HMGCLL1: variants seen among roughly 807,000 people sequenced by gnomAD.
The protein encoded by HMGCLL1 is 3-hydroxymethyl-3-methylglutaryl-CoA lyase, cytoplasmic.
Under a neutral mutation model 39.1 loss-of-function variants are expected in HMGCLL1, and 36 were observed. The observed-to-expected ratio is 0.92, with a 90% CI of 0.71 to 1.22. HMGCLL1 has a LOEUF of 1.22. Ranked by LOEUF, HMGCLL1 falls within the 50% of genes most tolerant of loss-of-function variation. The probability of loss-of-function intolerance (pLI) is 0.00; values close to 1 mark genes in which losing one functional copy is unlikely to be tolerated. For synonymous variants in HMGCLL1, 149 were observed against 144.0 expected, an observed-to-expected ratio of 1.03 and a Z score of -0.25; for missense variants, 451 against 416.5, an observed-to-expected ratio of 1.08 and a Z score of -0.72.
chr6:55,650,104 T>TACACACAC, the HMGCLL1 span, among the ~76,000 whole-genome samples: 1 of 68,740 alleles, frequency 1.5e-5, no homozygotes, highest in African/African-American at 6.0e-5. Context: ...TATATATATA[T>TACACACAC]ATATATATAT....
Position 55,546,787 on chromosome 6 carries a change from A to G in HMGCLL1, c.109-4647T>C, listed in dbSNP as rs866646146. ...TAAAAATTTATTTTTATAGCATTTA[A>G]TGTCCTACATTACAGAGCTCAGTAT... is the stretch of plus-strand genomic sequence containing the variant. On this transcript the variant is annotated intron_variant, in intron 1 of 8. Coordinates refer to ENST00000274901, the MANE Select transcript of HMGCLL1 (RefSeq NM_001042406.2). Among the ~76,000 whole-genome samples the G allele has an allele frequency of 4.6e-5, 7 of 152,242 alleles. No individual in the cohort carries two copies. In the South Asian group the frequency reaches 8.3e-4, roughly 18 times the overall value.
chr6:55,647,566 T>G, the HMGCLL1 span, among the ~76,000 whole-genome samples: 1 of 151,846 alleles, frequency 6.6e-6, no homozygotes, highest in Non-Finnish European at 1.5e-5. Flanking sequence ...TGTATGTTTT[T>G]TTTATTTGAG....
the HMGCLL1 span, among the ~76,000 whole-genome samples, chr6:55,628,995 T>C: frequency 2.0e-5 from 3 of 152,168 alleles, no homozygotes; most frequent in Non-Finnish European, 2.9e-5. Context: ...AACAGACTAA[T>C]ACAGTAAATT....
the HMGCLL1 span, among the ~76,000 whole-genome samples, chr6:55,670,995 A>G: frequency 6.6e-6 from 1 of 151,838 alleles, no homozygotes; most frequent in African/African-American, 2.4e-5. Flanking sequence ...TATTAATACC[A>G]GGCAATATAG....
the HMGCLL1 span, among the ~76,000 whole-genome samples, chr6:55,624,545 C>T: frequency 6.6e-6 from 1 of 152,296 alleles, no homozygotes. Context: ...TTCAGAGGGA[C>T]CTTGATCCCT....
At chr6:55,669,021 C>G in the HMGCLL1 span, among the ~76,000 whole-genome samples, 1 of 150,120 alleles carries the variant, frequency 6.7e-6, no homozygotes, top group Non-Finnish European at 1.5e-5. Flanking sequence ...AGACTTCGCA[C>G]AGTAATAGAA....
the HMGCLL1 span, among the ~76,000 whole-genome samples, chr6:55,675,176 G>T: frequency 6.6e-6 from 1 of 152,090 alleles, no homozygotes; most frequent in South Asian, 2.1e-4. Flanking sequence ...ATCACTGGAA[G>T]TTGCACAGGA....
At chr6:55,512,196 A>C (rs1230067701) in intron 5 of HMGCLL1, 2 of 152,116 alleles carry the variant, frequency 1.3e-5, no homozygotes, top group Non-Finnish European at 2.9e-5. Flanking sequence ...TTCAACACTA[A>C]AAAAACCCTT....
rs530477239 is a variant in HMGCLL1, at chr6:55,545,054, G to A, written c.109-2914C>T. Among the ~76,000 whole-genome samples, 14 of 152,150 alleles carry A rather than the reference G, an allele frequency of 9.2e-5. No individual in the cohort carries two copies. In the East Asian group the frequency reaches 2.7e-3, roughly 29 times the overall value. On this transcript the variant is annotated intron_variant, in intron 1 of 8. Transcript: ENST00000274901. ...TCACTCTTCTTTCTTATTACCTCTA[G>A]TCTTCAGTTGGCAGGAATGAAACAA...
chr6:55,486,200 C>G (rs558038083), intron 7 of HMGCLL1, among the ~76,000 whole-genome samples: 1 of 150,894 alleles, frequency 6.6e-6, no homozygotes, highest in South Asian at 2.1e-4. Context: ...GGTAGAATTA[C>G]AAGTAAGTAT....
rs551415572 is a variant in HMGCLL1 at position 55,579,123 on chromosome 6, C to G, written c.-68G>C. On this transcript the variant is annotated 5_prime_UTR_variant, in exon 1 of 9. Coordinates refer to ENST00000274901, the MANE Select transcript of HMGCLL1 (RefSeq NM_001042406.2). ...AGGAGGATGAGGGGCGGGCACCGCG[C>G]TGGGAAACTGCGCCAGCTCGGGAGC... The G allele has an allele frequency of 3.3e-6, 4 of 1,222,314 alleles. No homozygotes were observed. The African/African-American group carries it at 4.5e-5, about 14-fold the overall frequency. 75.7% of individuals were successfully genotyped at this position (1,222,314 alleles called of 1,614,324 possible). A position where few individuals can be genotyped will look rare whatever the true frequency, so the allele number is the denominator to read the frequency against.
chr6:55,453,075 G>A (rs1194206861), intron 7 of HMGCLL1, among the ~76,000 whole-genome samples: 2 of 152,218 alleles, frequency 1.3e-5, no homozygotes, highest in East Asian at 3.9e-4. Flanking sequence ...AGAGGATGTG[G>A]GAAGAGGTAT....
the HMGCLL1 span, among the ~76,000 whole-genome samples, chr6:55,614,553 A>G: frequency 6.6e-6 from 1 of 152,170 alleles, no homozygotes; most frequent in Non-Finnish European, 1.5e-5. Flanking sequence ...CATAGTATGA[A>G]TTAATTCTAA....
chr6:55,607,415 C>T, the HMGCLL1 span, among the ~76,000 whole-genome samples: 1 of 152,104 alleles, frequency 6.6e-6, no homozygotes, highest in Non-Finnish European at 1.5e-5. Context: ...CTATAATGTG[C>T]CTCCAGATTC....
the HMGCLL1 span, among the ~76,000 whole-genome samples, chr6:55,656,353 A>T: frequency 4.6e-5 from 7 of 152,126 alleles, no homozygotes; most frequent in African/African-American, 1.7e-4. Context: ...TTGTGAGAAG[A>T]CAAAGTGTTC....
chr6:55,439,432 A>G lies in HMGCLL1; in HGVS notation c.921+2T>C. 2 of 1,608,586 alleles carry G rather than the reference A, an allele frequency of 1.2e-6. No individual in the cohort carries two copies. Among genetic ancestry groups the G allele is most frequent in the African/African-American group, 1.3e-5 (1 of 74,854 alleles). ...ATATTAAAATACGTTAAAGTAACTT[A>G]CTGTATTGAGCCCCAGGCCATTAAG... On this transcript the variant is annotated splice_donor_variant, in intron 8 of 8. Coordinates refer to ENST00000274901, the MANE Select transcript of HMGCLL1 (RefSeq NM_001042406.2). LOFTEE classifies it high-confidence loss of function.
chr6:55,672,883 G>A, the HMGCLL1 span, among the ~76,000 whole-genome samples: 2 of 151,864 alleles, frequency 1.3e-5, no homozygotes, highest in Admixed American at 6.6e-5. Flanking sequence ...TGCATGTTAC[G>A]CATTCACATG....
chr6:55,490,111 T>C (rs1766233959), intron 7 of HMGCLL1, among the ~76,000 whole-genome samples: 1 of 152,110 alleles, frequency 6.6e-6, no homozygotes, highest in Admixed American at 6.6e-5. Context: ...TTTACTTCCC[T>C]GTGTATATCT....
chr6:55,508,621 T>G (rs921496716), intron 5 of HMGCLL1, among the ~76,000 whole-genome samples: 2 of 151,860 alleles, frequency 1.3e-5, no homozygotes, highest in Non-Finnish European at 1.5e-5. Context: ...TTCTATTTAA[T>G]ATGTTGCACA....
Sources: gnomAD v4.1 joint callset for allele counts (sites outside exome capture counted in the v4.1 genomes callset) on GRCh38, gnomAD v4.1.1 for gene constraint, MANE v1.5 for transcripts, NCBI Gene and HGNC (gene_info 2026-07-23, HGNC 2026-07-21) for gene names.